CIAPIN1: variants seen among roughly 807,000 people sequenced by gnomAD.
The protein encoded by CIAPIN1 is anamorsin.
CIAPIN1 carries 18 observed loss-of-function variants against 34.3 expected under a neutral mutation model. The observed-to-expected ratio is 0.52, with a 90% CI of 0.36 to 0.78. The LOEUF (loss-of-function observed/expected upper bound fraction) is 0.78. Ranked by LOEUF, CIAPIN1 falls within the 30% of genes least tolerant of loss-of-function variation. The probability of loss-of-function intolerance (pLI) is 0.00; values close to 1 mark genes in which losing one functional copy is unlikely to be tolerated. For synonymous variants in CIAPIN1, 131 were observed against 140.4 expected, an observed-to-expected ratio of 0.93 and a Z score of 0.47; for missense variants, 310 against 372.5, an observed-to-expected ratio of 0.83 and a Z score of 1.38.
At position 57,442,306 on chromosome 16, in the gene CIAPIN1, G is replaced by A. The variant is rs958902424; in HGVS notation, c.-55-1323C>T. Among the ~76,000 whole-genome samples, 12 of 151,668 alleles carry A rather than the reference G, an allele frequency of 7.9e-5. 1 individual carries two copies. Among genetic ancestry groups the A allele is most frequent in the South Asian group, 6.3e-4 (3 of 4,798 alleles). ...GGTTGCAGTGAGCCAAGATCGTGCCGCTGCACTCCAGCCTGGTGACAGAGC... is the reference window on the plus strand; with the variant it reads ...GGTTGCAGTGAGCCAAGATCGTGCCACTGCACTCCAGCCTGGTGACAGAGC... On this transcript the variant is annotated intron_variant, in intron 1 of 8. Coordinates refer to ENST00000394391, the MANE Select transcript of CIAPIN1 (RefSeq NM_020313.4).
intron 2 of CIAPIN1, among the ~76,000 whole-genome samples, chr16:57,439,958 A>T (rs1903290532): frequency 6.6e-6 from 1 of 152,248 alleles, no homozygotes. Flanking sequence ...CAAGGGAGAT[A>T]ACCATCAGGT....
chr16:57,429,571 A>ACCTCCC (rs1555512776), intron 8 of CIAPIN1, among the ~76,000 whole-genome samples: 2 of 150,302 alleles, frequency 1.3e-5, no homozygotes, highest in Non-Finnish European at 3.0e-5. Context: ...AGCTCACTGC[A>ACCTCCC]AGCTTCGCCT....
intron 2 of CIAPIN1, among the ~76,000 whole-genome samples, chr16:57,440,466 G>A (rs1299525735): frequency 2.6e-5 from 4 of 152,088 alleles, no homozygotes; most frequent in Non-Finnish European, 5.9e-5. Context: ...GCGGCTTGAG[G>A]GGCATCACGG....
chr16:57,441,100 A>G (rs761014124), intron 1 of CIAPIN1, 117 bp from the exon 2 acceptor site: 13 of 603,660 alleles, frequency 2.2e-5, no homozygotes, highest in Non-Finnish European at 3.6e-5. Context: ...ACTCTACTGT[A>G]TATGCTAAAG....
chr16:57,429,791 C>CT (rs780926941), intron 8 of CIAPIN1, among the ~76,000 whole-genome samples: 7,206 of 111,148 alleles, frequency 0.065, 223 homozygotes, highest in Middle Eastern at 0.22. Context: ...CGCACCCGGC[C>CT]TTTTTTTTTT....
intron 1 of CIAPIN1, among the ~76,000 whole-genome samples, chr16:57,442,674 T>C (rs1003231003): frequency 3.9e-5 from 6 of 152,104 alleles, no homozygotes; most frequent in Non-Finnish European, 7.4e-5. Flanking sequence ...CCAGACCCTG[T>C]CTCAAAAAAA....
At position 57,429,073 on chromosome 16, in the gene CIAPIN1, G is replaced by A. The variant is rs1441497537; in HGVS notation, c.*97C>T. The A allele has an allele frequency of 9.7e-6, 8 of 826,732 alleles. No individual in the cohort carries two copies. Among genetic ancestry groups the A allele is most frequent in the Non-Finnish European group, 1.6e-5 (8 of 490,416 alleles). 51.2% of individuals were successfully genotyped at this position (826,732 alleles called of 1,614,324 possible). A position where few individuals can be genotyped will look rare whatever the true frequency, so the allele number is the denominator to read the frequency against. ...ACCCACTCTGCAAACAGATCTCAGAGTGAACAAATCCAGAGGAGGTGGGAG... is the reference window on the plus strand; with the variant it reads ...ACCCACTCTGCAAACAGATCTCAGAATGAACAAATCCAGAGGAGGTGGGAG... On this transcript the variant is annotated 3_prime_UTR_variant, in exon 9 of 9. Coordinates refer to ENST00000394391, the MANE Select transcript of CIAPIN1 (RefSeq NM_020313.4).
At position 57,430,262 on chromosome 16, in the gene CIAPIN1, C is replaced by T; in HGVS notation, c.824G>A (p.Gly275Glu). The change falls in exon 8 of 9, where the codon GGA becomes GAA. Residue 275 changes from glycine (G) to glutamate (E), a missense_variant. Physicochemically the swap from Gly to Glu is moderately conservative, Grantham distance 98 (BLOSUM62 -2). Transcript: ENST00000394391. ...AGGAATGATCCTGATATTTACGTTTCCACAAGCTGACTTGGGTTGGGAGCT... is the reference window on the plus strand; with the variant it reads ...AGGAATGATCCTGATATTTACGTTTTCACAAGCTGACTTGGGTTGGGAGCT... ...QMSSQPKSAC[G>E]NCYLGDAFRC... 6.2e-7 allele frequency: 1 copy of T among 1,614,084 alleles called. No homozygotes were observed. Among genetic ancestry groups the T allele is most frequent in the Non-Finnish European group, 8.5e-7 (1 of 1,179,926 alleles).
chr16:57,440,772 A>G lies in CIAPIN1; in HGVS notation c.157T>C (p.Ser53Pro), dbSNP rs1903312092. Reference protein sequence around the residue: ...SVENIKQLLQSAHKESSFDII... With the variant: ...SVENIKQLLQPAHKESSFDII... Reference sequence around the variant, plus strand: ...AAAGACAACGTGGGTGGGTACTTACATTGCAACAGCTGCTTGATGTTTTCC... The same window carrying G: ...AAAGACAACGTGGGTGGGTACTTACGTTGCAACAGCTGCTTGATGTTTTCC... Residue 53 changes from serine to proline, a missense_variant and splice_region_variant, in exon 2 of 9, where the codon TCT becomes CCT. Transcript: ENST00000394391. 1 of 1,611,230 alleles carries G rather than the reference A, an allele frequency of 6.2e-7. No homozygotes were observed. The highest frequency in any genetic ancestry group is 8.5e-7 in the Non-Finnish European group (1 of 1,178,362).
At chr16:57,436,758 T>C in intron 3 of CIAPIN1, 26 bp from the exon 4 acceptor site, 2 of 1,587,808 alleles carry the variant, frequency 1.3e-6, no homozygotes, top group Non-Finnish European at 1.7e-6. Flanking sequence ...TCCCAATTAA[T>C]AGCTTTATAG....
chr16:57,436,266 C>G (rs1598024898), intron 4 of CIAPIN1, among the ~76,000 whole-genome samples: 1 of 152,128 alleles, frequency 6.6e-6, no homozygotes, highest in Non-Finnish European at 1.5e-5. Context: ...CTCGCTCTGT[C>G]GCCCAGGCTG....
At chr16:57,442,441 C>T (rs1228756252) in intron 1 of CIAPIN1, among the ~76,000 whole-genome samples, 2 of 150,764 alleles carry the variant, frequency 1.3e-5, no homozygotes, top group African/African-American at 2.4e-5. Context: ...CAGGTGGATC[C>T]CTTGAGTCCA....
chr16:57,431,504 T>C (rs1903086407), intron 6 of CIAPIN1: 1 of 378,258 alleles, frequency 2.6e-6, no homozygotes, highest in Non-Finnish European at 4.9e-6. Context: ...CAAATTTACA[T>C]GAGAAAAAGC....
intron 8 of CIAPIN1, among the ~76,000 whole-genome samples, chr16:57,429,867 C>T (rs532867662): frequency 4.5e-4 from 68 of 151,954 alleles, no homozygotes; most frequent in Middle Eastern, 3.4e-3. Flanking sequence ...GCTCACTCCA[C>T]CTCCCAGGTT....
At chr16:57,443,065 A>G (rs1399393893) in intron 1 of CIAPIN1, among the ~76,000 whole-genome samples, 1 of 151,718 alleles carries the variant, frequency 6.6e-6, no homozygotes, top group Non-Finnish European at 1.5e-5. Context: ...CCTTAATGAC[A>G]GAGGGCAAGT....
At position 57,434,098 on chromosome 16, in the gene CIAPIN1, C is replaced by T; in HGVS notation, c.502G>A (p.Val168Met). Residue 168 changes from valine (V) to methionine (M), a missense_variant, in exon 5 of 9, where the codon GTG becomes ATG. Val to Met is a conservative substitution (Grantham distance 21). Transcript: ENST00000394391. ...AGCTTAAGCTGCCTAGAAGAACCCA[C>T]TTCAAAGTTTGGTTTTTTGCCTGTG... ...QITGKKPNFE[V>M]GSSRQLKLSI... 6.2e-7 allele frequency: 1 copy of T among 1,614,194 alleles called. No homozygotes were observed.
At chr16:57,444,362 TGTAAA>T (rs1312098867) in intron 1 of CIAPIN1, among the ~76,000 whole-genome samples, 1 of 152,242 alleles carries the variant, frequency 6.6e-6, no homozygotes, top group Non-Finnish European at 1.5e-5. Flanking sequence ...CACAGAGCTC[TGTAAA>T]GTAATGTTCT....
rs1383958443 is a variant in CIAPIN1 at position 57,431,133 on chromosome 16, A to G, written c.746+18T>C. 1.3e-6 allele frequency: 2 copies of G among 1,512,212 alleles called. No individual in the cohort carries two copies. Among genetic ancestry groups the G allele is most frequent in the Admixed American group, 3.4e-5 (2 of 59,518 alleles). The allele number at this position is 1,512,212 out of a possible 1,614,324, so 93.7% of individuals were successfully genotyped here. A position where few individuals can be genotyped will look rare whatever the true frequency, so the allele number is the denominator to read the frequency against. The stretch of plus-strand genomic sequence containing the variant: ...CACTGGAGGCAGCATGGCAGGCTCC[A>G]GTCACCCCAGCACTCACCAGTTCTT... On this transcript the variant is annotated intron_variant, in intron 7 of 8. Coordinates refer to ENST00000394391, the MANE Select transcript of CIAPIN1 (RefSeq NM_020313.4).
Position 57,447,332 on chromosome 16 carries a change from C to A in CIAPIN1, c.-56+10G>T, listed in dbSNP as rs545705347. ...AGCTCTGGCGCTCAGCTGGCCCCCACCACTCTCACCTGCCGCCTGGGCTCG... is the reference window on the plus strand; with the variant it reads ...AGCTCTGGCGCTCAGCTGGCCCCCAACACTCTCACCTGCCGCCTGGGCTCG... On this transcript the variant is annotated intron_variant, in intron 1 of 8. Coordinates refer to ENST00000394391, the MANE Select transcript of CIAPIN1 (RefSeq NM_020313.4). 8.1e-6 allele frequency: 4 copies of A among 494,426 alleles called. No individual in the cohort carries two copies. Among genetic ancestry groups the A allele is most frequent in the South Asian group, 2.2e-4 (2 of 9,034 alleles). 30.6% of individuals were successfully genotyped at this position (494,426 alleles called of 1,614,324 possible). A position where few individuals can be genotyped will look rare whatever the true frequency, so the allele number is the denominator to read the frequency against.
Sources: allele counts gnomAD v4.1 joint callset (sites outside exome capture counted in the v4.1 genomes callset), GRCh38; gene constraint gnomAD v4.1.1; transcripts MANE v1.5; gene names NCBI Gene and HGNC (gene_info 2026-07-23, HGNC 2026-07-21).